Variants in SGMS1 observed in about 807,000 individuals in gnomAD.
SGMS1 encodes sphingomyelin synthase 1, also known as phosphatidylcholine:ceramide cholinephosphotransferase 1.
A neutral mutation model predicts 46.2 loss-of-function variants in SGMS1; 13 were observed. That is an observed-to-expected ratio of 0.28 (90% CI 0.18 to 0.45). SGMS1 has a LOEUF of 0.45. Ranked by LOEUF, SGMS1 falls within the 20% of genes least tolerant of loss-of-function variation. The pLI is 1.00. For missense variants in SGMS1, 324 were observed against 519.9 expected (o/e 0.62, Z 3.66); for synonymous variants, 203 against 187.8 (o/e 1.08, Z -0.66).
At chr10:50,569,662 A>ATGG (rs919631539) in intron 2 of SGMS1, among the ~76,000 whole-genome samples, 1 of 152,200 alleles carries the variant, frequency 6.6e-6, no homozygotes, top group African/African-American at 2.4e-5. Flanking sequence ...AAGAAAAAAC[A>ATGG]TGGTAGCTCA....
chr10:50,612,787 C>T (rs1311955051), intron 1 of SGMS1, among the ~76,000 whole-genome samples: 2 of 152,200 alleles, frequency 1.3e-5, no homozygotes, highest in African/African-American at 2.4e-5. Flanking sequence ...CGGCTCACTG[C>T]AGCCTCTGCT....
Position 50,611,077 on chromosome 10 carries a change from G to A in SGMS1, c.-684+12630C>T, listed in dbSNP as rs140891213. Among the ~76,000 whole-genome samples, 410 of 152,342 alleles carry A rather than the reference G, an allele frequency of 2.7e-3. 3 individuals carry two copies. Among genetic ancestry groups the A allele is most frequent in the Non-Finnish European group, 4.4e-3 (297 of 68,034 alleles). ...GAAACACAGAGGAAGGGACTATGCAGTCCACGTGGTGAAAATCTCGACAAC... is the reference window on the plus strand; with the variant it reads ...GAAACACAGAGGAAGGGACTATGCAATCCACGTGGTGAAAATCTCGACAAC... On this transcript the variant is annotated intron_variant, in intron 1 of 10. Transcript: ENST00000361781.
chr10:50,551,885 C>T (rs754210118), intron 2 of SGMS1, among the ~76,000 whole-genome samples: 2 of 152,116 alleles, frequency 1.3e-5, no homozygotes, highest in South Asian at 2.1e-4. Flanking sequence ...TCTGAAGATA[C>T]CACCTCCCTG....
At chr10:50,470,287 G>A (rs1455907713) in intron 3 of SGMS1, among the ~76,000 whole-genome samples, 2 of 152,112 alleles carry the variant, frequency 1.3e-5, no homozygotes, top group Non-Finnish European at 2.9e-5. Flanking sequence ...CTTGTAAACA[G>A]CATGTTTTGC....
At chr10:50,409,970 A>G (rs1849073803) in intron 6 of SGMS1, among the ~76,000 whole-genome samples, 1 of 152,198 alleles carries the variant, frequency 6.6e-6, no homozygotes, top group South Asian at 2.1e-4. Context: ...ATTCTGTGAA[A>G]TTTTGTCTAT....
chr10:50,483,124 G>A (rs1414932927), intron 3 of SGMS1, among the ~76,000 whole-genome samples: 1 of 152,208 alleles, frequency 6.6e-6, no homozygotes. Flanking sequence ...CTATCGCCCA[G>A]GCTGGAGTGC....
intron 6 of SGMS1, among the ~76,000 whole-genome samples, chr10:50,364,801 T>C (rs1209859052): frequency 1.3e-5 from 2 of 152,216 alleles, no homozygotes; most frequent in Non-Finnish European, 2.9e-5. Flanking sequence ...AATATTTCAG[T>C]TTCTAAATGA....
At chr10:50,409,626 A>G (rs1339870477) in intron 6 of SGMS1, among the ~76,000 whole-genome samples, 2 of 152,230 alleles carry the variant, frequency 1.3e-5, no homozygotes, top group African/African-American at 4.8e-5. Flanking sequence ...AAAATAAATG[A>G]CAACAGATTT....
chr10:50,524,480 A>T (rs1339629452), intron 2 of SGMS1, among the ~76,000 whole-genome samples: 1 of 152,014 alleles, frequency 6.6e-6, no homozygotes, highest in South Asian at 2.1e-4. Context: ...GACTGTGAAA[A>T]TTTTTTCATG....
At chr10:50,515,092 CAT>C (rs2133779298) in intron 3 of SGMS1, among the ~76,000 whole-genome samples, 1 of 152,314 alleles carries the variant, frequency 6.6e-6, no homozygotes, top group South Asian at 2.1e-4. Flanking sequence ...CAGACTAACT[CAT>C]TATCTTTTGT....
At chr10:50,330,487 AT>A (rs1286036969) in intron 7 of SGMS1, among the ~76,000 whole-genome samples, 1 of 152,032 alleles carries the variant, frequency 6.6e-6, no homozygotes, top group African/African-American at 2.4e-5. Context: ...CTGTCCCTAA[AT>A]AAATAAATAA....
intron 5 of SGMS1, among the ~76,000 whole-genome samples, chr10:50,443,488 C>CA (rs1849571428): frequency 6.6e-6 from 1 of 151,792 alleles, no homozygotes; most frequent in Non-Finnish European, 1.5e-5. Flanking sequence ...AAACAATAAT[C>CA]AACATCTAAA....
At chr10:50,329,274 A>G (rs1289616909) in intron 7 of SGMS1, among the ~76,000 whole-genome samples, 1 of 152,240 alleles carries the variant, frequency 6.6e-6, no homozygotes, top group African/African-American at 2.4e-5. Flanking sequence ...GTATAAAAAG[A>G]TGAGAAAAGA....
intron 3 of SGMS1, among the ~76,000 whole-genome samples, chr10:50,468,304 G>C (rs1283037253): frequency 6.6e-6 from 1 of 152,136 alleles, no homozygotes; most frequent in African/African-American, 2.4e-5. Context: ...AACAAAAAGA[G>C]AGAGATTCAT....
chr10:50,419,114 T>C (rs1849221317), intron 6 of SGMS1, among the ~76,000 whole-genome samples: 1 of 152,122 alleles, frequency 6.6e-6, no homozygotes, highest in Admixed American at 6.5e-5. Context: ...ATATATAGGG[T>C]TCAGGACCAT....
intron 6 of SGMS1, among the ~76,000 whole-genome samples, chr10:50,358,247 A>T (rs1470544221): frequency 1.3e-5 from 2 of 152,246 alleles, no homozygotes; most frequent in Admixed American, 6.5e-5. Flanking sequence ...TCTTGCGGAC[A>T]TGTAGCATTT....
At chr10:50,310,394 G>A (rs1486923582) in intron 9 of SGMS1, among the ~76,000 whole-genome samples, 2 of 152,174 alleles carry the variant, frequency 1.3e-5, no homozygotes, top group South Asian at 2.1e-4. Flanking sequence ...ATAAATATGT[G>A]TAGTTCATTT....
In SGMS1 at chr10:50,327,268, C is replaced by T; in HGVS notation, c.678G>A (p.Arg226=). The part of the protein sequence containing the change: ...FCIVGTLYLY[R]CITMYVTTLP... ...GTGTAGTTACATACATTGTAATACA[C>T]CGATACAGGTACAGCGTGCCAACTA... Residue 226 remains arginine, a synonymous_variant, in exon 8 of 11, where the codon CGG becomes CGA. Transcript: ENST00000361781. 2 of 1,611,038 alleles carry T rather than the reference C, an allele frequency of 1.2e-6. No homozygotes were observed. The highest frequency in any genetic ancestry group is 1.3e-5 in the African/African-American group (1 of 74,932).
At chr10:50,503,764 C>T (rs1309958950) in intron 3 of SGMS1, among the ~76,000 whole-genome samples, 2 of 152,120 alleles carry the variant, frequency 1.3e-5, no homozygotes, top group Non-Finnish European at 2.9e-5. Flanking sequence ...ACGACAAAGG[C>T]TAGGGTTCAC....
Sources: gnomAD v4.1 joint callset for allele counts (sites outside exome capture counted in the v4.1 genomes callset) on GRCh38, gnomAD v4.1.1 for gene constraint, MANE v1.5 for transcripts, NCBI Gene and HGNC (gene_info 2026-07-23, HGNC 2026-07-21) for gene names.